Variants in MAP3K6 observed in about 807,000 individuals in gnomAD.
MAP3K6 encodes the protein mitogen-activated protein kinase kinase kinase 6.
Under a neutral mutation model 147.1 loss-of-function variants are expected in MAP3K6, and 105 were observed. That is an observed-to-expected ratio of 0.71 (90% CI 0.61 to 0.84). The LOEUF (loss-of-function observed/expected upper bound fraction) is 0.84, where lower values mean the gene tolerates loss of function less well. Ranked by LOEUF, MAP3K6 falls within the 40% of genes least tolerant of loss-of-function variation. MAP3K6 has a pLI of 0.00. For synonymous variants in MAP3K6, 695 were observed against 732.4 expected, an observed-to-expected ratio of 0.95 and a Z score of 0.82; for missense variants, 1,569 against 1,715.0, an observed-to-expected ratio of 0.91 and a Z score of 1.50.
Position 27,360,600 on chromosome 1 carries a change from C to T in MAP3K6, c.2054+105G>A. On this transcript the variant is annotated intron_variant, in intron 15 of 28. Coordinates refer to ENST00000357582, the MANE Select transcript of MAP3K6 (RefSeq NM_004672.5). This position sits in a 1 kb window ranked among gnomAD's most constrained non-coding sequence, Gnocchi z 4.5. The stretch of plus-strand genomic sequence containing the variant: ...ACAGGGCTCGAACTCTCAGGTCCTA[C>T]GAGCCCGCCCACTAGGCCCCGCCCA... The T allele has an allele frequency of 2.0e-6, 3 of 1,471,526 alleles. No homozygotes were observed. Among genetic ancestry groups the T allele is most frequent in the South Asian group, 1.3e-5 (1 of 74,492 alleles). 91.2% of individuals were successfully genotyped at this position (1,471,526 alleles called of 1,614,324 possible).
chr1:27,364,757 G>A lies in MAP3K6; in HGVS notation c.480+16C>T. 2 of 1,613,800 alleles carry A rather than the reference G, an allele frequency of 1.2e-6. No individual in the cohort carries two copies. The highest frequency in any genetic ancestry group is 1.7e-6 in the Non-Finnish European group (2 of 1,179,686). ...CCCAGCCCTGTGCCTGCCTCCACCA[G>A]CCCCAGGCCACCTACCCGCAGGGCC... is the stretch of plus-strand genomic sequence containing the variant. On this transcript the variant is annotated intron_variant, in intron 2 of 28. Coordinates refer to ENST00000357582, the MANE Select transcript of MAP3K6 (RefSeq NM_004672.5). This position sits in a 1 kb window ranked among gnomAD's most constrained non-coding sequence, Gnocchi z 4.4.
In MAP3K6 at chr1:27,359,441, T is replaced by G. The variant is rs1218118397; in HGVS notation, c.2401A>C (p.Thr801Pro). The G allele has an allele frequency of 6.2e-7, 1 of 1,614,144 alleles. No individual in the cohort carries two copies. The highest frequency in any genetic ancestry group is 8.5e-7 in the Non-Finnish European group (1 of 1,180,020). The change falls in exon 18 of 29, where the codon ACA becomes CCA. Residue 801 changes from threonine (T) to proline (P), a missense_variant. Thr to Pro is a conservative substitution (Grantham distance 38). Coordinates refer to ENST00000357582, the MANE Select transcript of MAP3K6 (RefSeq NM_004672.5). The surrounding 1 kb of genome is among the most constrained non-coding windows in gnomAD (Gnocchi z 4.4). The stretch of plus-strand genomic sequence containing the variant: ...CCTGTGAAGGTCTCAGTGCAAGGTG[T>G]GATGCCTGCCAGCCGCTTGGAGGTG... Reference protein sequence around the residue: ...FGTSKRLAGITPCTETFTGTL... With the variant: ...FGTSKRLAGIPPCTETFTGTL...
At position 27,363,975 on chromosome 1, in the gene MAP3K6, A is replaced by G; in HGVS notation, c.806T>C (p.Val269Ala). 6.2e-7 allele frequency: 1 copy of G among 1,610,490 alleles called. No individual in the cohort carries two copies. Among genetic ancestry groups the G allele is most frequent in the Non-Finnish European group, 8.5e-7 (1 of 1,179,868 alleles). The change falls in exon 5 of 29, where the codon GTG becomes GCG. Residue 269 changes from valine (V) to alanine (A), a missense_variant. Coordinates refer to ENST00000357582, the MANE Select transcript of MAP3K6 (RefSeq NM_004672.5). The stretch of plus-strand genomic sequence containing the variant: ...GATGATGTCGGGGCTCAGCAGCTCC[A>G]CGCTGTCCAGTCTCCGCTGCAGGCG... ...LARLQRRLDSVELLSPDIIMN... is the reference protein window; with the variant it reads ...LARLQRRLDSAELLSPDIIMN...
chr1:27,366,115 C>G lies in MAP3K6; in HGVS notation c.340+143G>C, dbSNP rs905736023. 2 of 940,208 alleles carry G rather than the reference C, an allele frequency of 2.1e-6. No homozygotes were observed. Among genetic ancestry groups the G allele is most frequent in the Admixed American group, 4.4e-5 (1 of 22,964 alleles). The allele number at this position is 940,208 out of a possible 1,614,324, so 58.2% of individuals were successfully genotyped here. On this transcript the variant is annotated intron_variant, in intron 1 of 28. Transcript: ENST00000357582. This position sits in a 1 kb window ranked among gnomAD's most constrained non-coding sequence, Gnocchi z 5.5. ...TCCCACTTTTTTCACGGCCCTGTCC[C>G]AAGCCCTTCAGCTTTAGCTCACTTT...
At position 27,360,381 on chromosome 1, in the gene MAP3K6, A is replaced by G; in HGVS notation, c.2055-13T>C. 1.2e-6 allele frequency: 2 copies of G among 1,612,018 alleles called. No individual in the cohort carries two copies. The highest frequency in any genetic ancestry group is 1.3e-5 in the African/African-American group (1 of 74,978). On this transcript the variant is annotated splice_polypyrimidine_tract_variant and intron_variant, in intron 15 of 28. Coordinates refer to ENST00000357582, the MANE Select transcript of MAP3K6 (RefSeq NM_004672.5). This position sits in a 1 kb window ranked among gnomAD's most constrained non-coding sequence, Gnocchi z 4.5. ...GGGCTGAGAGAACCTGAGGGGAGGT[A>G]AGGGAGAGAGGAAAGGGACCGAGGT...
intron 23 of MAP3K6, 38 bp downstream of exon 23, chr1:27,357,362 G>A (rs762347220): frequency 3.8e-6 from 6 of 1,571,620 alleles, no homozygotes; most frequent in Non-Finnish European, 5.2e-6. Context: ...CTCACTACCT[G>A]TTGTTGGGCA....
At chr1:27,365,874 G>A (rs2015959437) in intron 1 of MAP3K6, among the ~76,000 whole-genome samples, 3 of 151,938 alleles carry the variant, frequency 2.0e-5, no homozygotes, top group Admixed American at 2.0e-4. Context: ...ACATTCTCCT[G>A]AGGGTGAGGC....
chr1:27,360,351 T>C lies in MAP3K6; in HGVS notation c.2072A>G (p.His691Arg). 3 of 1,613,854 alleles carry C rather than the reference T, an allele frequency of 1.9e-6. No individual in the cohort carries two copies. Among genetic ancestry groups the C allele is most frequent in the East Asian group, 2.2e-5 (1 of 44,876 alleles). ...ERDSRFSQPL[H>R]EEIALHRRLR... The stretch of plus-strand genomic sequence containing the variant: ...GCGTCTGTGAAGAGCGATCTCTTCA[T>C]GCAGGGGCTGAGAGAACCTGAGGGG... Residue 691 changes from histidine (H) to arginine (R), a missense_variant, in exon 16 of 29, where the codon CAT becomes CGT. Transcript: ENST00000357582. This position sits in a 1 kb window ranked among gnomAD's most constrained non-coding sequence, Gnocchi z 4.5.
intron 27 of MAP3K6, 36 bp from the exon 28 acceptor site, chr1:27,355,781 T>C (rs773090772): frequency 6.3e-7 from 1 of 1,593,324 alleles, no homozygotes; most frequent in Admixed American, 1.7e-5. Flanking sequence ...AAGAGGGAAA[T>C]AAGAAATTAC....
In MAP3K6 at chr1:27,364,513, G is replaced by A. The variant is rs556516680; in HGVS notation, c.505-119C>T. 155 of 1,531,514 alleles carry A rather than the reference G, an allele frequency of 1.0e-4. No individual in the cohort carries two copies. The African/African-American group carries it at 1.3e-3, about 13-fold the overall frequency. 94.9% of individuals were successfully genotyped at this position (1,531,514 alleles called of 1,614,324 possible). ...TTGGAATCGCAGGAAAGGGGCACCC[G>A]TCATGAGAGGAGGCAACAGGAAACA... On this transcript the variant is annotated intron_variant, in intron 3 of 28. Transcript: ENST00000357582. The surrounding 1 kb of genome is among the most constrained non-coding windows in gnomAD (Gnocchi z 4.4).
Position 27,358,336 on chromosome 1 carries a change from G to T in MAP3K6, c.2777-17C>A. The T allele has an allele frequency of 1.9e-6, 3 of 1,602,030 alleles. No homozygotes were observed. Among genetic ancestry groups the T allele is most frequent in the Non-Finnish European group, 2.5e-6 (3 of 1,176,778 alleles). ...AAGGGGCATCTGAGGGAGGGACAGA[G>T]CCATCAGCTGGGCTCTCCTCCACCC... On this transcript the variant is annotated splice_polypyrimidine_tract_variant and intron_variant, in intron 20 of 28. Coordinates refer to ENST00000357582, the MANE Select transcript of MAP3K6 (RefSeq NM_004672.5). This position sits in a 1 kb window ranked among gnomAD's most constrained non-coding sequence, Gnocchi z 6.2.
At chr1:27,362,613 C>A in intron 8 of MAP3K6, 28 bp downstream of exon 8, 1 of 1,515,176 alleles carries the variant, frequency 6.6e-7, no homozygotes, top group Non-Finnish European at 9.0e-7. Context: ...CTGTGGGTGA[C>A]GAGACAAGAG....
Position 27,355,568 on chromosome 1 carries a change from C to T in MAP3K6, c.3789-99G>A, listed in dbSNP as rs1020919674. 11 of 1,568,870 alleles carry T rather than the reference C, an allele frequency of 7.0e-6. No homozygotes were observed. In the Admixed American group the frequency reaches 1.3e-4, roughly 19 times the overall value. ...AGTGCCCCCTCTGTCCCTAGGGGAC[C>T]CAGGTGCCCCTTTGGTTTCCAGGAA... On this transcript the variant is annotated intron_variant, in intron 28 of 28. Coordinates refer to ENST00000357582, the MANE Select transcript of MAP3K6 (RefSeq NM_004672.5).
chr1:27,356,862 G>A, intron 24 of MAP3K6, 113 bp from the exon 25 acceptor site: 1 of 1,443,752 alleles, frequency 6.9e-7, no homozygotes, highest in South Asian at 1.3e-5. Flanking sequence ...GGCGGTGCCG[G>A]TATGGGAGAT....
rs765261713 is a variant in MAP3K6 at position 27,363,486 on chromosome 1, G to A, written c.927C>T (p.Ala309=). The A allele has an allele frequency of 2.2e-5, 36 of 1,613,642 alleles. No individual in the cohort carries two copies. Among genetic ancestry groups the A allele is most frequent in the South Asian group, 3.3e-5 (3 of 91,002 alleles). The change falls in exon 6 of 29, where the codon GCC becomes GCT. Residue 309 remains alanine, a synonymous_variant. Coordinates refer to ENST00000357582, the MANE Select transcript of MAP3K6 (RefSeq NM_004672.5). ...TLQALPTCDV[A]EQHNVCFHYT... ...AGTGGAAGCAGACATTATGCTGCTC[G>A]GCCACATCACAGGTGGGCAAGGCCT...
rs774824294 is a variant in MAP3K6 at position 27,356,071 on chromosome 1, C to T, written c.3666G>A (p.Val1222=). 2 of 1,614,188 alleles carry T rather than the reference C, an allele frequency of 1.2e-6. No homozygotes were observed. Among genetic ancestry groups the T allele is most frequent in the South Asian group, 2.2e-5 (2 of 91,082 alleles). The change falls in exon 27 of 29, where the codon GTG becomes GTA. Residue 1222 remains valine (V), a synonymous_variant. Coordinates refer to ENST00000357582, the MANE Select transcript of MAP3K6 (RefSeq NM_004672.5). ...PTALSTDQGL[V]QWLQELNVDS... is the part of the protein sequence containing the mutation. The stretch of plus-strand genomic sequence containing the variant: ...CCACATTCAGTTCCTGTAGCCACTG[C>T]ACCAGGCCCTGGTCCGTTGAAAGAG...
chr1:27,360,024 C>T lies in MAP3K6; in HGVS notation c.2183-30G>A. The T allele has an allele frequency of 1.9e-6, 3 of 1,612,862 alleles. No individual in the cohort carries two copies. The highest frequency in any genetic ancestry group is 1.1e-5 in the South Asian group (1 of 91,046). On this transcript the variant is annotated intron_variant, in intron 16 of 28. Coordinates refer to ENST00000357582, the MANE Select transcript of MAP3K6 (RefSeq NM_004672.5). The surrounding 1 kb of genome is among the most constrained non-coding windows in gnomAD (Gnocchi z 4.5). ...GTGGGGACAGTCCAAGTTCATTCTT[C>T]CCACCCACTGGCTCCAGCCCACATC...
At position 27,363,504 on chromosome 1, in the gene MAP3K6, C is replaced by CA; in HGVS notation, c.908dup (p.Leu303PhefsTer5). 6.2e-7 allele frequency: 1 copy of CA among 1,613,682 alleles called. No individual in the cohort carries two copies. Among genetic ancestry groups the CA allele is most frequent in the Non-Finnish European group, 8.5e-7 (1 of 1,179,818 alleles). On this transcript the variant is annotated frameshift_variant, in exon 6 of 29. Coordinates refer to ENST00000357582, the MANE Select transcript of MAP3K6 (RefSeq NM_004672.5). LOFTEE classifies it high-confidence loss of function. Reference sequence around the variant, plus strand: ...GCTGCTCGGCCACATCACAGGTGGGCAAGGCCTGCAGCGTCTCCACCAGCT... The same window carrying CA: ...GCTGCTCGGCCACATCACAGGTGGGCAAAGGCCTGCAGCGTCTCCACCAGCT...
chr1:27,363,376 C>T (rs1283078459), intron 6 of MAP3K6, 66 bp downstream of exon 6: 5 of 1,344,540 alleles, frequency 3.7e-6, no homozygotes, highest in Non-Finnish European at 5.1e-6. Flanking sequence ...AATGGCTTTG[C>T]ACGCAGAGAC....
Sources: allele counts gnomAD v4.1 joint callset (sites outside exome capture counted in the v4.1 genomes callset), GRCh38; gene constraint gnomAD v4.1.1; non-coding constraint Gnocchi (gnomAD v3.1); transcripts MANE v1.5; gene names NCBI Gene and HGNC (gene_info 2026-07-23, HGNC 2026-07-21).